Variants in NFIB observed in about 807,000 individuals in gnomAD.
NFIB encodes nuclear factor 1 B-type.
Under a neutral mutation model 61.5 loss-of-function variants are expected in NFIB, and 11 were observed. That is an observed-to-expected ratio of 0.18 (90% CI 0.11 to 0.30). The LOEUF is 0.30. Ranked by LOEUF, NFIB falls within the 10% of genes least tolerant of loss-of-function variation. NFIB has a pLI of 1.00. For missense variants in NFIB, 471 were observed against 608.9 expected (o/e 0.77, Z 2.38); for synonymous variants, 260 against 216.5 (o/e 1.20, Z -1.76).
chr9:14,330,407 G>C (rs1367822472), intron 1 of NFIB, among the ~76,000 whole-genome samples: 1 of 152,024 alleles, frequency 6.6e-6, no homozygotes, highest in East Asian at 1.9e-4. Flanking sequence ...CAGAACACAT[G>C]GTGCAACCAA....
chr9:14,291,344 G>A (rs2059084261), intron 2 of NFIB, among the ~76,000 whole-genome samples: 1 of 151,962 alleles, frequency 6.6e-6, no homozygotes, highest in Non-Finnish European at 1.5e-5. Flanking sequence ...AATTAGCCAG[G>A]TGTGGTGGTA....
chr9:14,188,200 T>C (rs897297248), intron 2 of NFIB, among the ~76,000 whole-genome samples: 25 of 152,202 alleles, frequency 1.6e-4, no homozygotes, highest in African/African-American at 6.0e-4. Flanking sequence ...TAAATCAAGA[T>C]TGCATAATAT....
At chr9:14,111,759 T>C (rs2037414666) in intron 10 of NFIB, among the ~76,000 whole-genome samples, 1 of 152,226 alleles carries the variant, frequency 6.6e-6, no homozygotes, top group African/African-American at 2.4e-5. Context: ...TTTTCATAAC[T>C]GTGTACAGAT....
At chr9:14,168,168 C>T (rs1587247931) in intron 3 of NFIB, among the ~76,000 whole-genome samples, 1 of 152,160 alleles carries the variant, frequency 6.6e-6, no homozygotes, top group African/African-American at 2.4e-5. Context: ...GGAATGATCC[C>T]ACACACTGCA....
chr9:14,500,133 G>A, the NFIB span, among the ~76,000 whole-genome samples: 1 of 152,082 alleles, frequency 6.6e-6, no homozygotes, highest in African/African-American at 2.4e-5. Context: ...AGCATATGTA[G>A]GTACTGTCAT....
the NFIB span, among the ~76,000 whole-genome samples, chr9:14,529,102 CTCT>C: frequency 6.6e-6 from 1 of 152,128 alleles, no homozygotes; most frequent in Non-Finnish European, 1.5e-5. Flanking sequence ...CAGGAGTTTA[CTCT>C]TCGTGTACTT....
At chr9:14,108,344 C>G (rs1273439981) in intron 10 of NFIB, among the ~76,000 whole-genome samples, 2 of 151,998 alleles carry the variant, frequency 1.3e-5, no homozygotes, top group African/African-American at 2.4e-5. Context: ...TAGTACCAAG[C>G]TTTGGCTTTG....
chr9:14,511,268 T>C, the NFIB span, among the ~76,000 whole-genome samples: 2 of 152,134 alleles, frequency 1.3e-5, no homozygotes, highest in South Asian at 2.1e-4. Context: ...TTTTTTTGTG[T>C]GTATGTTTAT....
chr9:14,343,648 G>T (rs914759517), intron 1 of NFIB, among the ~76,000 whole-genome samples: 2 of 152,264 alleles, frequency 1.3e-5, no homozygotes, highest in African/African-American at 4.8e-5. Context: ...CCAGGCAAAA[G>T]TGTGTACAGT....
intron 3 of NFIB, among the ~76,000 whole-genome samples, chr9:14,178,236 G>GA (rs919008714): frequency 6.6e-6 from 1 of 151,670 alleles, no homozygotes; most frequent in East Asian, 1.9e-4. Context: ...TAATTAAAAA[G>GA]AAAAAAATCT....
At chr9:14,253,740 G>A (rs919378177) in intron 2 of NFIB, among the ~76,000 whole-genome samples, 4 of 152,074 alleles carry the variant, frequency 2.6e-5, no homozygotes, top group African/African-American at 4.8e-5. Flanking sequence ...TTGAGACTAC[G>A]TAATAACCTG....
At chr9:14,207,181 A>T (rs1326870904) in intron 2 of NFIB, among the ~76,000 whole-genome samples, 1 of 152,156 alleles carries the variant, frequency 6.6e-6, no homozygotes, top group East Asian at 1.9e-4. Flanking sequence ...AGGCTATCCA[A>T]CTAATAACTG....
At chr9:14,513,787 T>C in the NFIB span, among the ~76,000 whole-genome samples, 1 of 152,202 alleles carries the variant, frequency 6.6e-6, no homozygotes, top group African/African-American at 2.4e-5. Flanking sequence ...TTACTCTCTT[T>C]GTGACCTTAA....
At chr9:14,285,973 G>T (rs1433212774) in intron 2 of NFIB, among the ~76,000 whole-genome samples, 2 of 151,042 alleles carry the variant, frequency 1.3e-5, no homozygotes, top group African/African-American at 5.0e-5. Context: ...ATTTTAGATA[G>T]TACTCCTGAT....
At chr9:14,359,983 A>C (rs904792443) in intron 1 of NFIB, among the ~76,000 whole-genome samples, 2 of 152,200 alleles carry the variant, frequency 1.3e-5, no homozygotes, top group Non-Finnish European at 2.9e-5. Flanking sequence ...TTTCTTTTTA[A>C]GCCAAATTCC....
At chr9:14,254,946 G>A (rs181684459) in intron 2 of NFIB, among the ~76,000 whole-genome samples, 7 of 152,210 alleles carry the variant, frequency 4.6e-5, no homozygotes, top group African/African-American at 9.6e-5. Context: ...TTATGAAAGC[G>A]CCAACCATGC....
chr9:14,365,201 T>G (rs11787837), intron 1 of NFIB, among the ~76,000 whole-genome samples: 1 of 152,058 alleles, frequency 6.6e-6, no homozygotes, highest in Non-Finnish European at 1.5e-5. Context: ...TGCTAAAAAA[T>G]AAATTTCGAG....
intron 1 of NFIB, among the ~76,000 whole-genome samples, chr9:14,310,226 A>G (rs556910827): frequency 2.0e-5 from 3 of 152,236 alleles, no homozygotes; most frequent in Non-Finnish European, 4.4e-5. Flanking sequence ...TTTGCTGTCA[A>G]TGCTGCCAAT....
intron 1 of NFIB, among the ~76,000 whole-genome samples, chr9:14,381,671 C>T (rs1157225133): frequency 1.3e-5 from 2 of 152,188 alleles, no homozygotes; most frequent in East Asian, 1.9e-4. Context: ...TTTTTACCTA[C>T]GGCCTAGGAC....
Sources: gnomAD v4.1 joint callset for allele counts (sites outside exome capture counted in the v4.1 genomes callset) on GRCh38, gnomAD v4.1.1 for gene constraint, MANE v1.5 for transcripts, NCBI Gene and HGNC (gene_info 2026-07-23, HGNC 2026-07-21) for gene names.